The following ROBO2 variants were observed in gnomAD, a reference collection of about 807,000 sequenced individuals.
The protein encoded by ROBO2 is roundabout guidance receptor 2.
In ROBO2, 53 loss-of-function variants were observed where a neutral mutation model predicts 160.8. The ratio of observed to expected loss-of-function variants is 0.33; its 90% CI spans 0.26 to 0.41. The LOEUF is 0.41. ROBO2 is among the 10% of genes least tolerant of loss of function. ROBO2 has a pLI of 1.00. For missense variants in ROBO2, 1,577 were observed against 1,722.4 expected, an observed-to-expected ratio of 0.92 and a Z score of 1.49; for synonymous variants, 664 against 611.7, an observed-to-expected ratio of 1.09 and a Z score of -1.26.
At chr3:76,413,000 C>G (rs1229889483) in intron 2 of ROBO2, among the ~76,000 whole-genome samples, 2 of 152,216 alleles carry the variant, frequency 1.3e-5, no homozygotes, top group Non-Finnish European at 2.9e-5. Flanking sequence ...GGCAGAAGTT[C>G]CCAAACCTCA....
intron 2 of ROBO2, among the ~76,000 whole-genome samples, chr3:76,085,108 TATATATATAC>T (rs897303886): frequency 1.5e-5 from 2 of 129,196 alleles, no homozygotes; most frequent in African/African-American, 8.2e-5. Context: ...TTTACATATA[TATATATATAC>T]ACACACACAC....
intron 2 of ROBO2, among the ~76,000 whole-genome samples, chr3:76,647,215 T>C (rs150968690): frequency 6.6e-6 from 1 of 152,250 alleles, no homozygotes; most frequent in African/African-American, 2.4e-5. Flanking sequence ...AGGGGGGCTA[T>C]GATGTAGCTA....
intron 2 of ROBO2, among the ~76,000 whole-genome samples, chr3:76,212,962 G>T (rs958838774): frequency 3.3e-5 from 5 of 151,828 alleles, no homozygotes; most frequent in African/African-American, 1.2e-4. Flanking sequence ...AAGGGTAAAG[G>T]TGAATGCTAC....
intron 2 of ROBO2, among the ~76,000 whole-genome samples, chr3:76,851,219 CAATT>C (rs1023993055): frequency 3.3e-5 from 5 of 152,156 alleles, no homozygotes; most frequent in Non-Finnish European, 7.3e-5. Flanking sequence ...GAATTCTAAT[CAATT>C]AAAATCAAAT....
rs189201999 is a variant in ROBO2, at chr3:77,203,433, A to T, written c.388+105093A>T. 3.2e-3 allele frequency among the ~76,000 whole-genome samples: 491 copies of T among 152,302 alleles called. 2 individuals are homozygous for T. Among genetic ancestry groups the T allele is most frequent in the Middle Eastern group, 0.01 (3 of 294 alleles). On this transcript the variant is annotated intron_variant, in intron 2 of 25. Coordinates refer to ENST00000461745, the Ensembl canonical transcript of ROBO2. The stretch of plus-strand genomic sequence containing the variant: ...TTTCTTAGACTGCTTACTGTGTAAA[A>T]ATAAATCAGGTTTTATATCTTTGGG...
chr3:77,585,298 T>C lies in ROBO2; in HGVS notation c.2501-3453T>C, dbSNP rs374833214. ...GAAGTAAAAAATTACAAGCATACGA[T>C]ATAACCAAGCTCATGTCATGACAAT... On this transcript the variant is annotated intron_variant, in intron 16 of 25. Transcript: ENST00000461745. Among the ~76,000 whole-genome samples the C allele has an allele frequency of 4.4e-4, 67 of 150,690 alleles. No homozygotes were observed. In the South Asian group the frequency reaches 7.9e-3, roughly 18 times the overall value.
chr3:77,455,720 G>A (rs1223243198), intron 2 of ROBO2, among the ~76,000 whole-genome samples: 6 of 146,618 alleles, frequency 4.1e-5, no homozygotes, highest in Non-Finnish European at 8.9e-5. Context: ...GTGAGCCACC[G>A]CGCCCGGCCT....
At chr3:76,442,842 T>C (rs556522908) in intron 2 of ROBO2, among the ~76,000 whole-genome samples, 41 of 152,256 alleles carry the variant, frequency 2.7e-4, no homozygotes, top group African/African-American at 9.6e-4. Flanking sequence ...AATAATACTT[T>C]ACTAATAATA....
intron 2 of ROBO2, among the ~76,000 whole-genome samples, chr3:76,671,948 A>G (rs889779768): frequency 2.6e-5 from 4 of 152,116 alleles, no homozygotes; most frequent in Non-Finnish European, 5.9e-5. Context: ...TTTTTTATGT[A>G]GCATGTACTG....
At chr3:77,331,977 A>AT (rs1439905841) in intron 2 of ROBO2, among the ~76,000 whole-genome samples, 1 of 152,164 alleles carries the variant, frequency 6.6e-6, no homozygotes, top group Non-Finnish European at 1.5e-5. Flanking sequence ...AAGTGCTGGG[A>AT]TTACAGGCGT....
intron 2 of ROBO2, among the ~76,000 whole-genome samples, chr3:77,132,908 A>G (rs1015679251): frequency 6.6e-6 from 1 of 152,156 alleles, no homozygotes; most frequent in Non-Finnish European, 1.5e-5. Flanking sequence ...TTGAAGGTTT[A>G]CAGAAGTGAA....
At chr3:76,142,466 G>C (rs2071708831) in intron 2 of ROBO2, among the ~76,000 whole-genome samples, 1 of 151,978 alleles carries the variant, frequency 6.6e-6, no homozygotes, top group African/African-American at 2.4e-5. Context: ...ATACACAATG[G>C]AGTACTATTC....
At chr3:76,223,341 C>G (rs1360516554) in intron 2 of ROBO2, among the ~76,000 whole-genome samples, 1 of 151,484 alleles carries the variant, frequency 6.6e-6, no homozygotes, top group Non-Finnish European at 1.5e-5. Context: ...TTAACCCCCT[C>G]AGATAGAGAT....
chr3:76,262,204 C>A (rs1030412609), intron 2 of ROBO2, among the ~76,000 whole-genome samples: 4 of 151,902 alleles, frequency 2.6e-5, no homozygotes, highest in African/African-American at 9.7e-5. Flanking sequence ...AAAGCTAAAT[C>A]CAGAACATTT....
chr3:76,625,519 C>G (rs1278050579), intron 2 of ROBO2, among the ~76,000 whole-genome samples: 1 of 146,480 alleles, frequency 6.8e-6, no homozygotes, highest in African/African-American at 2.5e-5. Context: ...GTATTACGTG[C>G]AGCAGGAAAA....
chr3:77,615,589 T>C (rs2094753707), intron 21 of ROBO2, among the ~76,000 whole-genome samples: 2 of 152,318 alleles, frequency 1.3e-5, no homozygotes, highest in Middle Eastern at 3.4e-3. Flanking sequence ...TGGAATCTTA[T>C]TGTGTGTACC....
chr3:77,437,351 C>A (rs2079399882), intron 2 of ROBO2, among the ~76,000 whole-genome samples: 1 of 151,904 alleles, frequency 6.6e-6, no homozygotes. Flanking sequence ...TGTCTTTCAT[C>A]TTATAAACCT....
intron 2 of ROBO2, among the ~76,000 whole-genome samples, chr3:76,850,727 C>A (rs1375431884): frequency 6.6e-6 from 1 of 152,008 alleles, no homozygotes; most frequent in African/African-American, 2.4e-5. Context: ...AGTGACACAC[C>A]AAGGCACTAG....
chr3:76,379,693 C>T (rs150628117), intron 2 of ROBO2, among the ~76,000 whole-genome samples: 6 of 152,086 alleles, frequency 3.9e-5, no homozygotes, highest in East Asian at 3.9e-4. Context: ...TTTTTTTAAA[C>T]GTGAACTTTA....
Sources: allele counts gnomAD v4.1 joint callset (sites outside exome capture counted in the v4.1 genomes callset), GRCh38; gene constraint gnomAD v4.1.1; transcripts MANE v1.5; gene names NCBI Gene and HGNC (gene_info 2026-07-23, HGNC 2026-07-21).